SPMIP5: variants seen among roughly 807,000 people sequenced by gnomAD.
SPMIP5 encodes the protein sperm-associated microtubule inner protein 5.
At chr10:116,666,167 T>G in the SPMIP5 span, among the ~76,000 whole-genome samples, 3 of 152,228 alleles carry the variant, frequency 2.0e-5, no homozygotes, top group Non-Finnish European at 4.4e-5. Context: ...TAAGGAGTAA[T>G]TGAAATTATT....
the SPMIP5 span, chr10:116,663,895 ACT>A: frequency 8.3e-5 from 128 of 1,533,324 alleles, no homozygotes; most frequent in East Asian, 3.0e-3. Context: ...TCCTTGGGAG[ACT>A]CTGCGCTTCT....
the SPMIP5 span, among the ~76,000 whole-genome samples, chr10:116,669,069 G>A: frequency 6.6e-6 from 1 of 152,040 alleles, no homozygotes; most frequent in Non-Finnish European, 1.5e-5. Context: ...CTCTGCTTCA[G>A]GGGGCTCCAC....
the SPMIP5 span, chr10:116,665,710 A>C: frequency 1.2e-6 from 2 of 1,614,220 alleles, no homozygotes; most frequent in South Asian, 1.1e-5. Context: ...GCCACTGCGC[A>C]GCACAATTCC....
chr10:116,664,657 A>G, the SPMIP5 span: 1 of 1,526,708 alleles, frequency 6.6e-7, no homozygotes, highest in South Asian at 1.3e-5. Flanking sequence ...ATCACACACA[A>G]ATAGTCCTAG....
the SPMIP5 span, chr10:116,668,180 C>T: frequency 1.4e-6 from 2 of 1,389,596 alleles, no homozygotes; most frequent in African/African-American, 2.9e-5. Context: ...CAGACACAGA[C>T]AGTGGGTCAA....
chr10:116,663,332 G>T, the SPMIP5 span, among the ~76,000 whole-genome samples: 73 of 152,160 alleles, frequency 4.8e-4, no homozygotes, highest in African/African-American at 1.6e-3. Flanking sequence ...TTCAGAGGGA[G>T]CTGGCCCTGC....
the SPMIP5 span, among the ~76,000 whole-genome samples, chr10:116,667,297 C>T: frequency 1.3e-5 from 2 of 152,208 alleles, no homozygotes; most frequent in East Asian, 1.9e-4. Context: ...GAGCATGGCC[C>T]TGCGGGCACC....
chr10:116,664,747 C>G, the SPMIP5 span: 1 of 1,612,764 alleles, frequency 6.2e-7, no homozygotes, highest in Non-Finnish European at 8.5e-7. Flanking sequence ...GGTACGGACC[C>G]AAGCCAGACT....
At chr10:116,662,883 G>T in the SPMIP5 span, among the ~76,000 whole-genome samples, 1 of 152,254 alleles carries the variant, frequency 6.6e-6, no homozygotes, top group African/African-American at 2.4e-5. Context: ...TGGTGTCCTT[G>T]TAAGAAGACG....
chr10:116,664,271 T>G, the SPMIP5 span: 2 of 1,583,896 alleles, frequency 1.3e-6, no homozygotes, highest in Non-Finnish European at 1.7e-6. Flanking sequence ...CTCCATATAT[T>G]CTAAAACAAG....
At chr10:116,662,934 G>A in the SPMIP5 span, among the ~76,000 whole-genome samples, 5 of 152,266 alleles carry the variant, frequency 3.3e-5, no homozygotes, top group South Asian at 1.0e-3. Context: ...TGTAATCCCA[G>A]CACTTTGGGA....
At chr10:116,666,032 T>A in the SPMIP5 span, among the ~76,000 whole-genome samples, 1 of 152,212 alleles carries the variant, frequency 6.6e-6, no homozygotes, top group South Asian at 2.1e-4. Context: ...AAAATGACCT[T>A]GGAGCTGGGG....
At chr10:116,663,803 G>A in the SPMIP5 span, 1 of 1,316,280 alleles carries the variant, frequency 7.6e-7, no homozygotes, top group Non-Finnish European at 1.0e-6. Flanking sequence ...AAAAATTCTT[G>A]TTACTAAATT....
At chr10:116,662,968 G>A in the SPMIP5 span, among the ~76,000 whole-genome samples, 1 of 152,088 alleles carries the variant, frequency 6.6e-6, no homozygotes, top group East Asian at 1.9e-4. Context: ...GGATCACGAG[G>A]TCAGGAGATC....
At chr10:116,669,359 C>G in the SPMIP5 span, among the ~76,000 whole-genome samples, 1 of 152,204 alleles carries the variant, frequency 6.6e-6, no homozygotes, top group African/African-American at 2.4e-5. Context: ...CTAGGCCACT[C>G]TAACCCCTGG....
chr10:116,668,347 T>G, the SPMIP5 span: 4 of 1,559,352 alleles, frequency 2.6e-6, no homozygotes, highest in Non-Finnish European at 3.5e-6. Flanking sequence ...GAAGAGGGAA[T>G]GAAACGGTCT....
At chr10:116,664,378 G>T in the SPMIP5 span, 2 of 885,904 alleles carry the variant, frequency 2.3e-6, no homozygotes, top group Admixed American at 2.9e-5. Context: ...ATATGAACAT[G>T]GTATGTTATT....
At chr10:116,664,842 G>A in the SPMIP5 span, 1 of 1,614,180 alleles carries the variant, frequency 6.2e-7, no homozygotes, top group South Asian at 1.1e-5. Context: ...GGCCATGACA[G>A]TGTATCTCGT....
At chr10:116,664,430 T>C in the SPMIP5 span, 144 of 791,366 alleles carry the variant, frequency 1.8e-4, no homozygotes, top group Non-Finnish European at 2.4e-4. Context: ...CCCTCCTCAT[T>C]TCGCAGAAGA....
Sources: gnomAD v4.1 joint callset for allele counts (sites outside exome capture counted in the v4.1 genomes callset) on GRCh38, gnomAD v4.1.1 for gene constraint, MANE v1.5 for transcripts, NCBI Gene and HGNC (gene_info 2026-07-23, HGNC 2026-07-21) for gene names.